NRCAM: variants seen among roughly 807,000 people sequenced by gnomAD.
NRCAM encodes the protein NgCAM-related cell adhesion molecule.
Under a neutral mutation model 156.5 loss-of-function variants are expected in NRCAM, and 83 were observed. The observed-to-expected ratio is 0.53, with a 90% CI of 0.44 to 0.64. NRCAM has a LOEUF of 0.64. NRCAM is among the 30% of genes least tolerant of loss of function. The pLI is 0.00. For missense variants in NRCAM, 1,417 were observed against 1,597.3 expected, an observed-to-expected ratio of 0.89 and a Z score of 1.92; for synonymous variants, 538 against 563.9, an observed-to-expected ratio of 0.95 and a Z score of 0.65.
At chr7:108,299,017 A>G (rs1021694333) in intron 3 of NRCAM, among the ~76,000 whole-genome samples, 1 of 147,152 alleles carries the variant, frequency 6.8e-6, no homozygotes, top group African/African-American at 2.5e-5. Flanking sequence ...GAGGCAGAAG[A>G]ATCGCTTGAA....
chr7:108,177,344 C>A (rs1254424957), intron 26 of NRCAM, among the ~76,000 whole-genome samples: 2 of 152,122 alleles, frequency 1.3e-5, no homozygotes, highest in African/African-American at 4.8e-5. Context: ...AAAGGGAAGG[C>A]TGGGCGCAGT....
chr7:108,389,531 A>C (rs1470323783), intron 2 of NRCAM, among the ~76,000 whole-genome samples: 2 of 152,102 alleles, frequency 1.3e-5, no homozygotes, highest in Non-Finnish European at 2.9e-5. Context: ...TCTTTTCCTA[A>C]CTGAATACCC....
At chr7:108,183,045 T>C (rs537228397) in intron 22 of NRCAM, 125 bp from the exon 23 acceptor site, 11 of 768,618 alleles carry the variant, frequency 1.4e-5, no homozygotes, top group South Asian at 8.9e-5. Context: ...ACACAAGCTA[T>C]TAACCATTTT....
intron 27 of NRCAM, among the ~76,000 whole-genome samples, chr7:108,175,606 G>A (rs906821298): frequency 1.3e-5 from 2 of 152,006 alleles, no homozygotes; most frequent in African/African-American, 4.8e-5. Flanking sequence ...TACTTAAGGT[G>A]CATTATTCAT....
chr7:108,408,256 C>T (rs1175028232), intron 1 of NRCAM, among the ~76,000 whole-genome samples: 2 of 152,156 alleles, frequency 1.3e-5, no homozygotes, highest in Non-Finnish European at 2.9e-5. Flanking sequence ...ATGGAACTGA[C>T]ACTTTTTAAG....
chr7:108,436,660 T>C (rs1238771723), intron 1 of NRCAM, among the ~76,000 whole-genome samples: 5 of 152,208 alleles, frequency 3.3e-5, no homozygotes, highest in Admixed American at 1.3e-4. Flanking sequence ...CAGCTCACTG[T>C]TCACATCACA....
intron 1 of NRCAM, among the ~76,000 whole-genome samples, chr7:108,438,954 T>C (rs761491142): frequency 1.6e-4 from 24 of 152,168 alleles, no homozygotes; most frequent in Non-Finnish European, 3.5e-4. Context: ...ATTCAAAGCA[T>C]TGTTAAGAGA....
chr7:108,372,986 AT>A (rs1320458239), intron 2 of NRCAM, among the ~76,000 whole-genome samples: 1 of 152,148 alleles, frequency 6.6e-6, no homozygotes, highest in Non-Finnish European at 1.5e-5. Context: ...AAGAAAACAT[AT>A]ATACATACCG....
intron 20 of NRCAM, among the ~76,000 whole-genome samples, chr7:108,188,693 A>G (rs1036088888): frequency 1.4e-5 from 2 of 146,422 alleles, no homozygotes; most frequent in East Asian, 2.1e-4. Context: ...AATGTACCCA[A>G]TGAGCTAGAA....
intron 2 of NRCAM, among the ~76,000 whole-genome samples, chr7:108,332,272 A>G (rs2099134554): frequency 6.6e-6 from 1 of 152,238 alleles, no homozygotes; most frequent in East Asian, 1.9e-4. Flanking sequence ...AATTCTAGAA[A>G]GGCATCATGA....
At chr7:108,363,711 T>C (rs1376285570) in intron 2 of NRCAM, among the ~76,000 whole-genome samples, 2 of 152,222 alleles carry the variant, frequency 1.3e-5, no homozygotes, top group Non-Finnish European at 2.9e-5. Flanking sequence ...TGATAGTATA[T>C]ATTTTTGATA....
chr7:108,435,319 T>C (rs1372558923), intron 1 of NRCAM, among the ~76,000 whole-genome samples: 2 of 152,108 alleles, frequency 1.3e-5, no homozygotes, highest in Non-Finnish European at 2.9e-5. Context: ...AAGAAATTAG[T>C]GAACTAGAAA....
intron 3 of NRCAM, among the ~76,000 whole-genome samples, chr7:108,274,215 C>T (rs1205886592): frequency 6.6e-6 from 1 of 152,146 alleles, no homozygotes; most frequent in African/African-American, 2.4e-5. Context: ...ATTGTCTTGG[C>T]TATGTGGGCT....
At position 108,184,287 on chromosome 7, in the gene NRCAM, A is replaced by G. The variant is rs750013874; in HGVS notation, c.2258T>C (p.Val753Ala). 6.1e-5 allele frequency: 99 copies of G among 1,613,810 alleles called. No individual in the cohort carries two copies. Among genetic ancestry groups the G allele is most frequent in the Non-Finnish European group, 8.3e-5 (98 of 1,179,920 alleles). ...ATCAGGCTCTGATCCCAGTCCTTCC[A>G]CAGCTGTGGGGTTTTTATCTGGTTC... ...ASEPDKNPTAVEGLGSEPDNL... is the reference protein window; with the variant it reads ...ASEPDKNPTAAEGLGSEPDNL... Residue 753 changes from valine (V) to alanine (A), a missense_variant, in exon 22 of 33, where the codon GTG (valine) becomes GCG (alanine). Physicochemically the swap from Val to Ala is moderately conservative, Grantham distance 64. Coordinates refer to ENST00000379028, the MANE Select transcript of NRCAM (RefSeq NM_001037132.4).
chr7:108,256,193 T>G (rs1194579540), intron 3 of NRCAM, among the ~76,000 whole-genome samples: 1 of 151,628 alleles, frequency 6.6e-6, no homozygotes, highest in Non-Finnish European at 1.5e-5. Context: ...AAGGGGGAAA[T>G]GTGGGGAAAA....
chr7:108,207,616 G>C lies in NRCAM; in HGVS notation c.1119C>G (p.Ser373=), dbSNP rs373073967. ...WITAPQNLVL[S]PGEDGTLICR... is the part of the protein sequence containing the mutation. Reference sequence around the variant, plus strand: ...AGATCAAGGTCCCATCCTCTCCTGGGGACAGCACAAGATTTTGAGGGGCTG... The same window carrying C: ...AGATCAAGGTCCCATCCTCTCCTGGCGACAGCACAAGATTTTGAGGGGCTG... Residue 373 remains serine, a synonymous_variant, in exon 13 of 33, where the codon TCC becomes TCG. Coordinates refer to ENST00000379028, the MANE Select transcript of NRCAM (RefSeq NM_001037132.4). The C allele has an allele frequency of 1.5e-5, 25 of 1,613,764 alleles. No homozygotes were observed. The African/African-American group carries it at 2.9e-4, about 19-fold the overall frequency.
intron 1 of NRCAM, among the ~76,000 whole-genome samples, chr7:108,400,135 A>C (rs901681732): frequency 6.6e-6 from 1 of 152,224 alleles, no homozygotes; most frequent in African/African-American, 2.4e-5. Context: ...TCTGGAATAA[A>C]GGGGTTGCTG....
chr7:108,430,948 G>GA (rs1474695757), intron 1 of NRCAM, among the ~76,000 whole-genome samples: 24 of 152,158 alleles, frequency 1.6e-4, no homozygotes, highest in Admixed American at 1.6e-3. Context: ...CTTCTGAACT[G>GA]AAAATCCATA....
At chr7:108,454,627 T>C (rs1854360625) in intron 1 of NRCAM, among the ~76,000 whole-genome samples, 1 of 152,180 alleles carries the variant, frequency 6.6e-6, no homozygotes, top group Non-Finnish European at 1.5e-5. Context: ...ATTACAATAT[T>C]TTAACAGCAG....
Sources: gnomAD v4.1 joint callset for allele counts (sites outside exome capture counted in the v4.1 genomes callset) on GRCh38, gnomAD v4.1.1 for gene constraint, MANE v1.5 for transcripts, NCBI Gene and HGNC (gene_info 2026-07-23, HGNC 2026-07-21) for gene names.